The following ACAN variants were observed in gnomAD, a reference collection of about 807,000 sequenced individuals.
ACAN encodes the protein aggrecan core protein.
In ACAN, 47 loss-of-function variants were observed where a neutral mutation model predicts 169.1. The observed-to-expected ratio is 0.28, with a 90% CI of 0.22 to 0.35. The LOEUF (loss-of-function observed/expected upper bound fraction) is 0.35, where lower values mean the gene tolerates loss of function less well. ACAN is among the 10% of genes least tolerant of loss of function. The pLI, the probability that ACAN is intolerant of heterozygous loss-of-function variation, is 1.00. For missense variants in ACAN, 2,716 were observed against 2,759.9 expected (o/e 0.98, Z 0.36); for synonymous variants, 1,115 against 1,112.2 (o/e 1.00, Z -0.05).
At chr15:88,826,008 A>C (rs992917451) in intron 1 of ACAN, among the ~76,000 whole-genome samples, 1 of 152,212 alleles carries the variant, frequency 6.6e-6, no homozygotes. Flanking sequence ...AGAGGCTTCA[A>C]AACACCCCTC....
Position 88,872,018 on chromosome 15 carries a change from A to G in ACAN, c.7235A>G (p.Tyr2412Cys). ...QEFVNNNAQD[Y>C]QWIGLNDRTI... is the part of the protein sequence containing the mutation. The stretch of plus-strand genomic sequence containing the variant: ...CTTTCCCCAGACAATGCCCAAGACT[A>G]CCAGTGGATCGGCCTGAACGACAGG... Residue 2412 changes from tyrosine to cysteine, a missense_variant, in exon 16 of 19, where the codon TAC becomes TGC. Around this residue, in one of 3 missense-constraint regions of ACAN, gnomAD observed 1,389 missense variants for 1,363.7 expected, o/e 1.02. Coordinates refer to ENST00000560601, the MANE Select transcript of ACAN (RefSeq NM_001369268.1). The surrounding 1 kb of genome is among the most constrained non-coding windows in gnomAD (Gnocchi z 5.4). The G allele has an allele frequency of 1.2e-6, 2 of 1,613,882 alleles. No individual in the cohort carries two copies. Among genetic ancestry groups the G allele is most frequent in the Non-Finnish European group, 8.5e-7 (1 of 1,179,864 alleles).
rs749774270 is a variant in ACAN at position 88,872,079 on chromosome 15, C to T, written c.7296C>T (p.His2432=). The T allele has an allele frequency of 6.2e-7, 1 of 1,613,702 alleles. No homozygotes were observed. Among genetic ancestry groups the T allele is most frequent in the Non-Finnish European group, 8.5e-7 (1 of 1,179,720 alleles). ...IEGDFRWSDG[H]PMQFENWRPN... is the part of the protein sequence containing the mutation. ...GGGACTTCCGCTGGTCAGATGGACA[C>T]CCCATGGTGAGTTCTGCTGTAGGCA... is the stretch of plus-strand genomic sequence containing the variant. The change falls in exon 16 of 19, where the codon CAC becomes CAT. Residue 2432 remains histidine, a synonymous_variant. Transcript: ENST00000560601. This position sits in a 1 kb window ranked among gnomAD's most constrained non-coding sequence, Gnocchi z 5.4.
Position 88,858,887 on chromosome 15 carries a change from G to A in ACAN, c.6302G>A (p.Ser2101Asn). Reference sequence around the variant, plus strand: ...GTATCATCAGTCCCAGAATCTAGCAGTGAGACGTCCGCCTATCCTGAAGCT... The same window carrying A: ...GTATCATCAGTCCCAGAATCTAGCAATGAGACGTCCGCCTATCCTGAAGCT... ...VEVSSVPESS[S>N]ETSAYPEAGF... The change falls in exon 12 of 19, where the codon AGT becomes AAT. Residue 2101 changes from serine (S) to asparagine (N), a missense_variant. By Grantham distance (46) the Ser-to-Asn change is conservative. Coordinates refer to ENST00000560601, the MANE Select transcript of ACAN (RefSeq NM_001369268.1). This position sits in a 1 kb window ranked among gnomAD's most constrained non-coding sequence, Gnocchi z 4.0. The A allele has an allele frequency of 6.2e-7, 1 of 1,610,054 alleles. No homozygotes were observed. The highest frequency in any genetic ancestry group is 2.2e-5 in the East Asian group (1 of 44,816).
chr15:88,861,580 C>T lies in ACAN; in HGVS notation c.6946+1141C>T, dbSNP rs549146027. Among the ~76,000 whole-genome samples the T allele has an allele frequency of 1.9e-4, 29 of 152,172 alleles. 1 individual carries two copies. The South Asian group carries it at 4.8e-3, about 25-fold the overall frequency. ...ACAGACGTTAGGGTAGATATTCATT[C>T]ACTCTTTCCCCAACGTGTGGGCTGC... On this transcript the variant is annotated intron_variant, in intron 13 of 18. Coordinates refer to ENST00000560601, the MANE Select transcript of ACAN (RefSeq NM_001369268.1). The surrounding 1 kb of genome is among the most constrained non-coding windows in gnomAD (Gnocchi z 6.3).
rs554422890 is a variant in ACAN at position 88,823,191 on chromosome 15, A to G, written c.-7-13009A>G. Among the ~76,000 whole-genome samples the G allele has an allele frequency of 3.9e-5, 6 of 152,336 alleles. No homozygotes were observed. In the East Asian group the frequency reaches 9.6e-4, roughly 24 times the overall value. On this transcript the variant is annotated intron_variant, in intron 1 of 18. Coordinates refer to ENST00000560601, the MANE Select transcript of ACAN (RefSeq NM_001369268.1). ...CCTGCAGGGTTGGCAGTCAGCGCCA[A>G]GTAAAGGGAATTTAGCTCTTGGCCC...
Position 88,871,520 on chromosome 15 carries a change from A to T in ACAN, c.7199A>T (p.Glu2400Val). 6.2e-7 allele frequency: 1 copy of T among 1,613,226 alleles called. No homozygotes were observed. The highest frequency in any genetic ancestry group is 8.5e-7 in the Non-Finnish European group (1 of 1,179,640). The part of the protein sequence containing the change: ...QSHLSSIVTP[E>V]EQEFVNNNAQ... ...CACCTGAGCAGCATCGTCACCCCCG[A>T]GGAGCAGGAGTTTGTCAACAGTGAG... Residue 2400 changes from glutamate (E) to valine (V), a missense_variant, in exon 15 of 19, where the codon GAG becomes GTG. Coordinates refer to ENST00000560601, the MANE Select transcript of ACAN (RefSeq NM_001369268.1). The surrounding 1 kb of genome is among the most constrained non-coding windows in gnomAD (Gnocchi z 7.8).
chr15:88,841,954 A>C (rs1896673977), intron 5 of ACAN, 87 bp downstream of exon 5: 6 of 1,556,074 alleles, frequency 3.9e-6, no homozygotes, highest in East Asian at 2.3e-5. Context: ...ACCTGAGATC[A>C]CACAGGCTGC....
Position 88,863,028 on chromosome 15 carries a change from C to G in ACAN, c.6946+2589C>G, listed in dbSNP as rs149556802. Among the ~76,000 whole-genome samples, 291 of 150,026 alleles carry G rather than the reference C, an allele frequency of 1.9e-3. 1 individual carries two copies. The highest frequency in any genetic ancestry group is 6.7e-3 in the African/African-American group (275 of 40,786). Reference sequence around the variant, plus strand: ...AAAAAAAAAAAAAAAGAAACAAGACCATGGATCAGTATCCTCGGGGGGCCA... The same window carrying G: ...AAAAAAAAAAAAAAAGAAACAAGACGATGGATCAGTATCCTCGGGGGGCCA... On this transcript the variant is annotated intron_variant, in intron 13 of 18. Transcript: ENST00000560601.
At chr15:88,850,650 C>T (rs951084594) in intron 10 of ACAN, 2 of 152,104 alleles carry the variant, frequency 1.3e-5, no homozygotes, top group Non-Finnish European at 2.9e-5. Flanking sequence ...TTTTAAAACC[C>T]AATTCAAGGC....
At position 88,845,585 on chromosome 15, in the gene ACAN, C is replaced by A. The variant is rs762863511; in HGVS notation, c.1132C>A (p.Pro378Thr). The change falls in exon 7 of 19, where the codon CCT becomes ACT. Residue 378 changes from proline (P) to threonine (T), a missense_variant. Coordinates refer to ENST00000560601, the MANE Select transcript of ACAN (RefSeq NM_001369268.1). ...CATCACCGTCCAGACAGTGACCTGG[C>A]CTGACATGGAGCTGCCACTGCCTCG... ...EDITVQTVTW[P>T]DMELPLPRNI... 2 of 1,614,022 alleles carry A rather than the reference C, an allele frequency of 1.2e-6. No homozygotes were observed. Among genetic ancestry groups the A allele is most frequent in the South Asian group, 2.2e-5 (2 of 91,082 alleles).
At chr15:88,841,572 T>C (rs1417754158) in intron 4 of ACAN, among the ~76,000 whole-genome samples, 168 bp from the exon 5 acceptor site, 1 of 152,138 alleles carries the variant, frequency 6.6e-6, no homozygotes, top group Non-Finnish European at 1.5e-5. Flanking sequence ...CTGCCTTTAA[T>C]CATGATTCAC....
chr15:88,840,294 C>A, intron 4 of ACAN, 108 bp downstream of exon 4: 1 of 1,349,284 alleles, frequency 7.4e-7, no homozygotes, highest in Non-Finnish European at 9.8e-7. Context: ...GCCAGCATGA[C>A]ACTGTGGCCA....
At position 88,840,786 on chromosome 15, in the gene ACAN, T is replaced by TAAAA. The variant is rs11333209; in HGVS notation, c.629+611_629+614dup. Among the ~76,000 whole-genome samples, 547 of 136,376 alleles carry TAAAA rather than the reference T, an allele frequency of 4.0e-3. 21 individuals carry two copies. The South Asian group carries it at 0.1, about 25-fold the overall frequency. 89.5% of individuals were successfully genotyped at this position (136,376 alleles called of 152,430 possible). On this transcript the variant is annotated intron_variant, in intron 4 of 18. Coordinates refer to ENST00000560601, the MANE Select transcript of ACAN (RefSeq NM_001369268.1). ...TCTTAGGATACAAAAACTATAGCCATAAAAAAAAAAAAAAGATGAGATAAT... is the reference window on the plus strand; with the variant it reads ...TCTTAGGATACAAAAACTATAGCCATAAAAAAAAAAAAAAAAAAGATGAGATAAT...
chr15:88,868,071 G>A lies in ACAN; in HGVS notation c.6947-145G>A, dbSNP rs1020348219. On this transcript the variant is annotated intron_variant, in intron 13 of 18. Coordinates refer to ENST00000560601, the MANE Select transcript of ACAN (RefSeq NM_001369268.1). The surrounding 1 kb of genome is among the most constrained non-coding windows in gnomAD (Gnocchi z 5.2). The stretch of plus-strand genomic sequence containing the variant: ...CAAGATGGCAGCAGCAGCAGCAGCA[G>A]CAGCAACAGTTCTCAGGAAAACCAG... The A allele has an allele frequency of 1.4e-5, 9 of 621,780 alleles. No homozygotes were observed. In the Middle Eastern group the frequency reaches 8.0e-4, roughly 55 times the overall value. 38.5% of individuals were successfully genotyped at this position (621,780 alleles called of 1,614,324 possible). A position where few individuals can be genotyped will look rare whatever the true frequency, so the allele number is the denominator to read the frequency against.
rs202060628 is a variant in ACAN, at chr15:88,851,970, G to A, written c.2203G>A (p.Glu735Lys). The change falls in exon 11 of 19, where the codon GAG (glutamate) becomes AAG (lysine). Residue 735 changes from glutamate to lysine, a missense_variant. By Grantham distance (56) the Glu-to-Lys change is moderately conservative. This residue lies in a region of ACAN where 1,283 missense variants were observed against 1,281.5 expected (regional missense o/e 1.00). Transcript: ENST00000560601. The surrounding 1 kb of genome is among the most constrained non-coding windows in gnomAD (Gnocchi z 4.3). The stretch of plus-strand genomic sequence containing the variant: ...TACTGCCATCCTAGAGTTCACCACC[G>A]AGCCAGAAAACCAGACAGAATGGGA... Reference protein sequence around the residue: ...ETTAILEFTTEPENQTEWEPA... With the variant: ...ETTAILEFTTKPENQTEWEPA... 1.2e-4 allele frequency: 188 copies of A among 1,612,292 alleles called. No individual in the cohort carries two copies. The highest frequency in any genetic ancestry group is 6.6e-4 in the Middle Eastern group (4 of 6,084).
rs1256858209 is a variant in ACAN, at chr15:88,869,443, C to T, written c.7060+1114C>T. Among the ~76,000 whole-genome samples, 1 of 152,108 alleles carries T rather than the reference C, an allele frequency of 6.6e-6. No homozygotes were observed. The highest frequency in any genetic ancestry group is 6.5e-5 in the Admixed American group (1 of 15,276). On this transcript the variant is annotated intron_variant, in intron 14 of 18. Transcript: ENST00000560601. The surrounding 1 kb of genome is among the most constrained non-coding windows in gnomAD (Gnocchi z 4.2). ...TTAAGACTTTTGGGAAAAAAAAGGC[C>T]TGGACACTCCTACTCCCTTGCAGCC...
intron 1 of ACAN, among the ~76,000 whole-genome samples, chr15:88,831,326 A>G (rs1896357263): frequency 1.3e-5 from 2 of 152,218 alleles, no homozygotes; most frequent in South Asian, 4.1e-4. Flanking sequence ...TAATCAATAC[A>G]GCCATGCACA....
In ACAN at chr15:88,845,610, G is replaced by A. The variant is rs761696605; in HGVS notation, c.1157G>A (p.Arg386Gln). 15 of 1,613,924 alleles carry A rather than the reference G, an allele frequency of 9.3e-6. 1 individual carries two copies. In the South Asian group the frequency reaches 9.9e-5, roughly 11 times the overall value. Residue 386 changes from arginine (R) to glutamine (Q), a missense_variant, in exon 7 of 19, where the codon CGA (arginine) becomes CAA (glutamine). Around this residue, in one of 3 missense-constraint regions of ACAN, gnomAD observed 1,283 missense variants for 1,281.5 expected, o/e 1.00. Transcript: ENST00000560601. ...TWPDMELPLP[R>Q]NITEGEARGS... Reference sequence around the variant, plus strand: ...CCTGACATGGAGCTGCCACTGCCTCGAAACATCACTGAGGGTGAAGCCCGA... The same window carrying A: ...CCTGACATGGAGCTGCCACTGCCTCAAAACATCACTGAGGGTGAAGCCCGA...
At chr15:88,827,097 C>A (rs1461536540) in intron 1 of ACAN, among the ~76,000 whole-genome samples, 1 of 152,078 alleles carries the variant, frequency 6.6e-6, no homozygotes, top group African/African-American at 2.4e-5. Context: ...TAAAGATGGC[C>A]CCTAGATTGT....
Sources: allele counts gnomAD v4.1 joint callset (sites outside exome capture counted in the v4.1 genomes callset), GRCh38; gene constraint gnomAD v4.1.1; regional missense constraint gnomAD v4.1.1; non-coding constraint Gnocchi (gnomAD v3.1); transcripts MANE v1.5; gene names NCBI Gene and HGNC (gene_info 2026-07-23, HGNC 2026-07-21).